The following ARHGAP44 variants were observed in gnomAD, a reference collection of about 807,000 sequenced individuals.
ARHGAP44 encodes Rho GTPase activating protein 44.
In ARHGAP44, 43 loss-of-function variants were observed where a neutral mutation model predicts 106.8. The observed-to-expected ratio is 0.40, with a 90% confidence interval of 0.32 to 0.52. The LOEUF (loss-of-function observed/expected upper bound fraction) is 0.52. ARHGAP44 is among the 20% of genes least tolerant of loss of function. ARHGAP44 has a pLI of 0.48. For missense variants in ARHGAP44, 866 were observed against 1,050.5 expected (o/e 0.82, Z 2.43); for synonymous variants, 439 against 410.3 (o/e 1.07, Z -0.85).
At chr17:12,902,864 T>A (rs1169179549) in intron 3 of ARHGAP44, among the ~76,000 whole-genome samples, 1 of 152,166 alleles carries the variant, frequency 6.6e-6, no homozygotes, top group Admixed American at 6.5e-5. Flanking sequence ...AGCACGTACA[T>A]GCCTTGTGCA....
chr17:12,847,741 G>A (rs986811390), intron 1 of ARHGAP44, among the ~76,000 whole-genome samples: 12 of 151,766 alleles, frequency 7.9e-5, no homozygotes, highest in Admixed American at 2.6e-4. Context: ...TTCTGACCTC[G>A]TGATCCGCCC....
chr17:12,959,036 G>A, intron 16 of ARHGAP44, 139 bp downstream of exon 16: 2 of 1,052,478 alleles, frequency 1.9e-6, no homozygotes, highest in African/African-American at 1.6e-5. Flanking sequence ...CAATTAAACT[G>A]TATCTGCTGT....
intron 1 of ARHGAP44, among the ~76,000 whole-genome samples, chr17:12,791,257 A>G (rs1251032674): frequency 6.6e-6 from 1 of 152,222 alleles, no homozygotes; most frequent in Non-Finnish European, 1.5e-5. Flanking sequence ...TATGAATAGC[A>G]GAGTCAGATT....
At chr17:12,970,482 T>C (rs2039504063) in intron 16 of ARHGAP44, among the ~76,000 whole-genome samples, 1 of 152,126 alleles carries the variant, frequency 6.6e-6, no homozygotes, top group Admixed American at 6.5e-5. Flanking sequence ...ACCTCCTGCT[T>C]AGTGATTTCT....
At chr17:12,899,696 C>CT (rs11381939) in intron 3 of ARHGAP44, among the ~76,000 whole-genome samples, 102,657 of 151,412 alleles carry the variant, frequency 0.68, 35,073 homozygotes, top group East Asian at 0.88. Flanking sequence ...GACAATCACA[C>CT]GGGAGTGTGG....
chr17:12,870,655 C>T (rs1459381090), intron 1 of ARHGAP44, among the ~76,000 whole-genome samples: 2 of 152,132 alleles, frequency 1.3e-5, no homozygotes, highest in Non-Finnish European at 2.9e-5. Context: ...TGTTTATTTC[C>T]TCTGGTGATT....
intron 18 of ARHGAP44, among the ~76,000 whole-genome samples, chr17:12,978,767 C>A (rs2039759925): frequency 6.6e-6 from 1 of 151,544 alleles, no homozygotes; most frequent in Non-Finnish European, 1.5e-5. Flanking sequence ...CAGCTCACTG[C>A]AACCTCCATC....
At chr17:12,977,234 C>T (rs1398583876) in intron 18 of ARHGAP44, among the ~76,000 whole-genome samples, 1 of 152,106 alleles carries the variant, frequency 6.6e-6, no homozygotes, top group Non-Finnish European at 1.5e-5. Context: ...GTGTTTTACA[C>T]CACTTTTTGT....
chr17:12,804,256 G>A (rs2034206650), intron 1 of ARHGAP44, among the ~76,000 whole-genome samples: 1 of 152,186 alleles, frequency 6.6e-6, no homozygotes, highest in African/African-American at 2.4e-5. Flanking sequence ...CTCTAGTCTA[G>A]GCCAATTTAT....
Position 12,866,320 on chromosome 17 carries a change from T to A in ARHGAP44, c.54-28620T>A, listed in dbSNP as rs369866726. On this transcript the variant is annotated intron_variant, in intron 1 of 20. Coordinates refer to ENST00000379672, the MANE Select transcript of ARHGAP44 (RefSeq NM_014859.6). Reference sequence around the variant, plus strand: ...ACTTACAGATCTGTATCTCATCGTCTGCCTTAATATTTTTGACCCTAAATG... The same window carrying A: ...ACTTACAGATCTGTATCTCATCGTCAGCCTTAATATTTTTGACCCTAAATG... Among the ~76,000 whole-genome samples the A allele has an allele frequency of 3.8e-4, 58 of 152,336 alleles. 2 individuals are homozygous for A. In the East Asian group the frequency reaches 9.5e-3, roughly 25 times the overall value.
chr17:12,984,841 C>T lies in ARHGAP44; in HGVS notation c.2250C>T (p.Ala750=). The T allele has an allele frequency of 6.2e-7, 1 of 1,613,994 alleles. No individual in the cohort carries two copies. The highest frequency in any genetic ancestry group is 8.5e-7 in the Non-Finnish European group (1 of 1,179,904). Residue 750 remains alanine, a synonymous_variant, in exon 20 of 21, where the codon GCC becomes GCT. Coordinates refer to ENST00000379672, the MANE Select transcript of ARHGAP44 (RefSeq NM_014859.6). ...AGCCTCCCACAGTAAACCTCTCGGC[C>T]TCTAGTCCACAGTCCACGGAGGCCC... is the stretch of plus-strand genomic sequence containing the variant. ...PPQPPTVNLS[A]SSPQSTEAPM... is the part of the protein sequence containing the mutation.
intron 12 of ARHGAP44, among the ~76,000 whole-genome samples, chr17:12,951,651 A>C (rs2143098866): frequency 6.6e-6 from 1 of 152,292 alleles, no homozygotes; most frequent in Admixed American, 6.5e-5. Context: ...TGACTCAAAG[A>C]GGTCAGTGTC....
Position 12,802,943 on chromosome 17 carries a change from ATATATATATATATATATATATATATATT to A in ARHGAP44, c.53+13054_53+13081del, listed in dbSNP as rs1294768354. Among the ~76,000 whole-genome samples the A allele has an allele frequency of 2.3e-3, 29 of 12,540 alleles. 1 individual carries two copies. Among genetic ancestry groups the A allele is most frequent in the African/African-American group, 5.8e-3 (9 of 1,548 alleles). 8.2% of individuals were successfully genotyped at this position (12,540 alleles called of 152,430 possible). On this transcript the variant is annotated intron_variant, in intron 1 of 20. Transcript: ENST00000379672. ...CTGGCTAATTTATATATATATATAT[ATATATATATATATATATATATATATATT>A]TTTTTTTTTTTTTTTTTTTGAGGCA...
intron 1 of ARHGAP44, among the ~76,000 whole-genome samples, chr17:12,873,906 AAAATAAAT>A: frequency 1.9e-5 from 1 of 52,158 alleles, no homozygotes; most frequent in African/African-American, 4.7e-5. Flanking sequence ...TCAGTCTCAA[AAAATAAAT>A]AAATAAATAA....
chr17:12,820,714 A>T (rs2150795702), intron 1 of ARHGAP44, among the ~76,000 whole-genome samples: 1 of 152,328 alleles, frequency 6.6e-6, no homozygotes, highest in South Asian at 2.1e-4. Context: ...TCTCAAGAAG[A>T]CATGGCTACC....
At chr17:12,818,739 T>C (rs1470692473) in intron 1 of ARHGAP44, among the ~76,000 whole-genome samples, 1 of 152,072 alleles carries the variant, frequency 6.6e-6, no homozygotes, top group African/African-American at 2.4e-5. Context: ...AGGATCCATG[T>C]GCCAAAGGCT....
At chr17:12,826,397 G>A (rs2034920233) in intron 1 of ARHGAP44, among the ~76,000 whole-genome samples, 1 of 152,144 alleles carries the variant, frequency 6.6e-6, no homozygotes, top group African/African-American at 2.4e-5. Flanking sequence ...TCAGCCATTT[G>A]ACTTAACCAT....
chr17:12,918,304 C>T (rs2037976311), intron 5 of ARHGAP44, among the ~76,000 whole-genome samples: 1 of 152,182 alleles, frequency 6.6e-6, no homozygotes, highest in South Asian at 2.1e-4. Context: ...TTACTCATCC[C>T]TGCTCGGGAG....
chr17:12,913,637 G>A (rs2037804634), intron 4 of ARHGAP44, among the ~76,000 whole-genome samples: 1 of 118,054 alleles, frequency 8.5e-6, no homozygotes, highest in Non-Finnish European at 2.0e-5. Context: ...CATTAAGCTG[G>A]GTGCAGTGGC....
Sources: gnomAD v4.1 joint callset for allele counts (sites outside exome capture counted in the v4.1 genomes callset) on GRCh38, gnomAD v4.1.1 for gene constraint, MANE v1.5 for transcripts, NCBI Gene and HGNC (gene_info 2026-07-23, HGNC 2026-07-21) for gene names.